The following ATXN7L1 variants were observed in gnomAD, a reference collection of about 807,000 sequenced individuals.
ATXN7L1 encodes the protein ataxin-7-like protein 1.
ATXN7L1 carries 15 observed loss-of-function variants against 70.8 expected under a neutral mutation model. The ratio of observed to expected loss-of-function variants is 0.21; its 90% CI spans 0.14 to 0.33. The LOEUF (loss-of-function observed/expected upper bound fraction) is 0.33. Ranked by LOEUF, ATXN7L1 falls within the 10% of genes least tolerant of loss-of-function variation. The pLI is 1.00. For missense variants in ATXN7L1, 975 were observed against 1,097.1 expected, an observed-to-expected ratio of 0.89 and a Z score of 1.57; for synonymous variants, 440 against 445.1, an observed-to-expected ratio of 0.99 and a Z score of 0.14.
chr7:105,614,918 C>G lies in ATXN7L1; in HGVS notation c.1518-102G>C. ...AGGATCAGGGCTACAGAGGACACCC[C>G]GGCAGAACCAGACTATGGAGAATGG... is the stretch of plus-strand genomic sequence containing the variant. On this transcript the variant is annotated intron_variant, in intron 9 of 11. Transcript: ENST00000419735. This position sits in a 1 kb window ranked among gnomAD's most constrained non-coding sequence, Gnocchi z 4.3. The G allele has an allele frequency of 6.7e-6, 9 of 1,349,462 alleles. No individual in the cohort carries two copies. Among genetic ancestry groups the G allele is most frequent in the Non-Finnish European group, 9.0e-6 (9 of 1,003,876 alleles). The allele number at this position is 1,349,462 out of a possible 1,614,324, so 83.6% of individuals were successfully genotyped here.
chr7:105,621,377 T>A (rs1039183249), intron 8 of ATXN7L1, among the ~76,000 whole-genome samples: 3 of 152,206 alleles, frequency 2.0e-5, no homozygotes, highest in East Asian at 3.9e-4. Context: ...CTTGGACTTA[T>A]GACATGGCTG....
chr7:105,661,838 A>G (rs2116044508), intron 4 of ATXN7L1, among the ~76,000 whole-genome samples: 1 of 152,262 alleles, frequency 6.6e-6, no homozygotes, highest in South Asian at 2.1e-4. Flanking sequence ...ATGGTGCACC[A>G]CTGGTTCTGT....
intron 2 of ATXN7L1, among the ~76,000 whole-genome samples, chr7:105,850,994 C>G (rs1443493331): frequency 6.6e-6 from 1 of 152,148 alleles, no homozygotes; most frequent in Non-Finnish European, 1.5e-5. Context: ...CTAGACACTT[C>G]CAAACTCAAC....
chr7:105,670,661 T>A (rs1455074066), intron 3 of ATXN7L1, among the ~76,000 whole-genome samples: 13 of 147,468 alleles, frequency 8.8e-5, no homozygotes, highest in South Asian at 2.1e-4. Flanking sequence ...TATTTATCTT[T>A]AAAAAAAAAA....
intron 2 of ATXN7L1, among the ~76,000 whole-genome samples, chr7:105,814,280 A>G (rs925904252): frequency 6.6e-6 from 1 of 152,208 alleles, no homozygotes; most frequent in African/African-American, 2.4e-5. Flanking sequence ...TCCTCACTCC[A>G]GTGAGCTTCT....
chr7:105,689,807 G>A (rs972437370), intron 3 of ATXN7L1, among the ~76,000 whole-genome samples: 1 of 152,146 alleles, frequency 6.6e-6, no homozygotes, highest in South Asian at 2.1e-4. Context: ...GTCCGAGCCC[G>A]AGTTTTAGCT....
At chr7:105,712,658 T>C (rs757323087) in intron 3 of ATXN7L1, among the ~76,000 whole-genome samples, 41 of 152,224 alleles carry the variant, frequency 2.7e-4, no homozygotes, top group Non-Finnish European at 4.7e-4. Flanking sequence ...GAGTCACCTT[T>C]GCTCCACTTT....
intron 3 of ATXN7L1, among the ~76,000 whole-genome samples, chr7:105,764,898 TA>T (rs991373458): frequency 3.2e-4 from 46 of 145,690 alleles, no homozygotes; most frequent in Admixed American, 5.5e-4. Context: ...CTTTTAGGCT[TA>T]AAAAAAAAAA....
chr7:105,694,266 G>A (rs1431161249), intron 3 of ATXN7L1, among the ~76,000 whole-genome samples: 2 of 151,948 alleles, frequency 1.3e-5, no homozygotes, highest in Non-Finnish European at 2.9e-5. Context: ...GGCTGGTCTC[G>A]ATCTCCTGAT....
chr7:105,818,838 T>C (rs1809594205), intron 2 of ATXN7L1, among the ~76,000 whole-genome samples: 1 of 151,792 alleles, frequency 6.6e-6, no homozygotes, highest in Non-Finnish European at 1.5e-5. Flanking sequence ...CTAGAAAAGA[T>C]TATGACTCTA....
intron 2 of ATXN7L1, among the ~76,000 whole-genome samples, chr7:105,820,876 C>G: frequency 6.6e-6 from 1 of 152,120 alleles, no homozygotes; most frequent in East Asian, 1.9e-4. Context: ...TACCCTCCAC[C>G]CCCTTGCTCC....
chr7:105,627,841 G>GTTTTTTT (rs36028028), intron 7 of ATXN7L1, among the ~76,000 whole-genome samples: 5 of 86,442 alleles, frequency 5.8e-5, no homozygotes, highest in East Asian at 3.3e-4. Flanking sequence ...CCTGTCTTTA[G>GTTTTTTT]TTTTTTTTTT....
chr7:105,869,407 C>G (rs1028225164), intron 2 of ATXN7L1, among the ~76,000 whole-genome samples: 10 of 152,166 alleles, frequency 6.6e-5, no homozygotes, highest in Non-Finnish European at 8.8e-5. Context: ...TAAAGGGAAG[C>G]TGTTCGCAGT....
chr7:105,712,433 G>A lies in ATXN7L1; in HGVS notation c.356-47145C>T, dbSNP rs150824037. The stretch of plus-strand genomic sequence containing the variant: ...CAAATTTTCCAAACTTTTATGCTCT[G>A]CTTCCCTTTTAAATACAAGTTCCAG... On this transcript the variant is annotated intron_variant, in intron 3 of 11. Transcript: ENST00000419735. 3.6e-3 allele frequency among the ~76,000 whole-genome samples: 546 copies of A among 152,242 alleles called. 1 individual carries two copies. The highest frequency in any genetic ancestry group is 5.4e-3 in the Non-Finnish European group (368 of 68,028).
chr7:105,827,744 T>C (rs1014462938), intron 2 of ATXN7L1, among the ~76,000 whole-genome samples: 2 of 152,228 alleles, frequency 1.3e-5, no homozygotes, highest in African/African-American at 4.8e-5. Context: ...GTAGCTACTA[T>C]AGATCCACAA....
At chr7:105,629,310 C>T (rs1009642967) in intron 7 of ATXN7L1, among the ~76,000 whole-genome samples, 1 of 152,088 alleles carries the variant, frequency 6.6e-6, no homozygotes, top group African/African-American at 2.4e-5. Flanking sequence ...ACTCTACTCT[C>T]TCTGTGAATT....
At chr7:105,733,249 C>T (rs1349346455) in intron 3 of ATXN7L1, among the ~76,000 whole-genome samples, 4 of 152,202 alleles carry the variant, frequency 2.6e-5, no homozygotes, top group African/African-American at 9.6e-5. Flanking sequence ...TGATTTTCTA[C>T]ATCACAATAT....
chr7:105,764,198 C>T (rs1262904608), intron 3 of ATXN7L1, among the ~76,000 whole-genome samples: 1 of 151,926 alleles, frequency 6.6e-6, no homozygotes. Flanking sequence ...GCTTTTCCAT[C>T]TGGTCAAATC....
intron 3 of ATXN7L1, 92 bp downstream of exon 3, chr7:105,788,512 C>G: frequency 9.6e-7 from 1 of 1,040,018 alleles, no homozygotes; most frequent in Non-Finnish European, 1.5e-6. Context: ...TGAGACAAGA[C>G]ATGGCGAGAC....
Sources: allele counts gnomAD v4.1 joint callset (sites outside exome capture counted in the v4.1 genomes callset), GRCh38; gene constraint gnomAD v4.1.1; non-coding constraint Gnocchi (gnomAD v3.1); transcripts MANE v1.5; gene names NCBI Gene and HGNC (gene_info 2026-07-23, HGNC 2026-07-21).